PCDHGA3: variants seen among roughly 807,000 people sequenced by gnomAD.
PCDHGA3 encodes the protein protocadherin gamma subfamily A, 3.
In PCDHGA3, 40 loss-of-function variants were observed where a neutral mutation model predicts 58.5. The ratio of observed to expected loss-of-function variants is 0.68; its 90% CI spans 0.53 to 0.89. PCDHGA3 has a LOEUF of 0.89. Among genes scored for constraint, PCDHGA3 ranks in the 40% least tolerant of loss-of-function variants. The probability of loss-of-function intolerance (pLI) is 0.00; values close to 1 mark genes in which losing one functional copy is unlikely to be tolerated. For missense variants in PCDHGA3, 1,223 were observed against 1,195.9 expected, an observed-to-expected ratio of 1.02 and a Z score of -0.33; for synonymous variants, 530 against 525.7, an observed-to-expected ratio of 1.01 and a Z score of -0.11.
intron 1 of PCDHGA3, chr5:141,376,026 A>T: frequency 6.2e-7 from 1 of 1,613,128 alleles, no homozygotes; most frequent in African/African-American, 1.3e-5. Context: ...GCCGTCCAGG[A>T]CCACGGCCAG....
intron 1 of PCDHGA3, chr5:141,421,930 G>T (rs780569992): frequency 3.1e-6 from 5 of 1,613,480 alleles, no homozygotes; most frequent in Non-Finnish European, 4.2e-6. Context: ...GGTGGTCCTC[G>T]ATGTAAATGA....
chr5:141,345,606 T>C lies in PCDHGA3; in HGVS notation c.1573T>C (p.Phe525Leu). Residue 525 changes from phenylalanine (F) to leucine (L), a missense_variant, in exon 1 of 4, where the codon TTT becomes CTT. Coordinates refer to ENST00000253812, the MANE Select transcript of PCDHGA3 (RefSeq NM_018916.4). ...YALRSFDYEQ[F>L]RDLKLLVTAS... is the part of the protein sequence containing the mutation. Reference sequence around the variant, plus strand: ...GCTGAGATCCTTCGACTACGAGCAATTTAGAGACTTAAAGCTACTGGTGAC... The same window carrying C: ...GCTGAGATCCTTCGACTACGAGCAACTTAGAGACTTAAAGCTACTGGTGAC... 1.2e-6 allele frequency: 2 copies of C among 1,614,058 alleles called. No individual in the cohort carries two copies. The highest frequency in any genetic ancestry group is 1.1e-5 in the South Asian group (1 of 91,070).
intron 1 of PCDHGA3, among the ~76,000 whole-genome samples, chr5:141,494,529 G>C (rs952931724): frequency 1.3e-5 from 2 of 152,132 alleles, no homozygotes; most frequent in African/African-American, 4.8e-5. Flanking sequence ...TCTGACTCTG[G>C]GGGCAGGGAG....
At chr5:141,478,625 T>A in intron 1 of PCDHGA3, 3 of 1,554,218 alleles carry the variant, frequency 1.9e-6, no homozygotes, top group Non-Finnish European at 2.6e-6. Context: ...ATGGAGCTGT[T>A]TTTTTAGTGA....
intron 1 of PCDHGA3, chr5:141,403,602 G>A (rs761454619): frequency 5.0e-6 from 8 of 1,613,800 alleles, no homozygotes; most frequent in Non-Finnish European, 5.9e-6. Context: ...GCCTCGGATG[G>A]CGGCGAGCCG....
chr5:141,347,873 T>C (rs533227612), intron 1 of PCDHGA3, among the ~76,000 whole-genome samples: 23 of 152,314 alleles, frequency 1.5e-4, no homozygotes, highest in Non-Finnish European at 2.6e-4. Flanking sequence ...TATGTGTGTA[T>C]TCATTTTGAT....
chr5:141,413,668 G>T lies in PCDHGA3; in HGVS notation c.2424+67211G>T, dbSNP rs1286766786. ...TCCTCTCCCGGAAGCTATTGATCCG[G>T]ATGTGGGCGTGAACTCCCTGCAGAG... is the stretch of plus-strand genomic sequence containing the variant. On this transcript the variant is annotated intron_variant, in intron 1 of 3. Transcript: ENST00000253812. 6 of 1,613,754 alleles carry T rather than the reference G, an allele frequency of 3.7e-6. No homozygotes were observed. The Admixed American group carries it at 8.3e-5, about 22-fold the overall frequency.
chr5:141,490,837 G>A lies in PCDHGA3; in HGVS notation c.2425-3970G>A. On this transcript the variant is annotated intron_variant, in intron 1 of 3. Coordinates refer to ENST00000253812, the MANE Select transcript of PCDHGA3 (RefSeq NM_018916.4). This position sits in a 1 kb window ranked among gnomAD's most constrained non-coding sequence, Gnocchi z 5.4. ...TGAATTGCTGCAGATGCTGCAGATTGTGGTGGGGGTTCGAGACTCCGGCTC... is the reference window on the plus strand; with the variant it reads ...TGAATTGCTGCAGATGCTGCAGATTATGGTGGGGGTTCGAGACTCCGGCTC... The A allele has an allele frequency of 1.9e-6, 3 of 1,613,914 alleles. No homozygotes were observed. The highest frequency in any genetic ancestry group is 2.2e-5 in the South Asian group (2 of 91,072).
At chr5:141,355,761 T>C in intron 1 of PCDHGA3, 2 of 1,613,946 alleles carry the variant, frequency 1.2e-6, no homozygotes, top group Non-Finnish European at 1.7e-6. Context: ...GTGGGGCCGA[T>C]GGGATTAAGT....
chr5:141,413,785 C>T (rs771027783), intron 1 of PCDHGA3: 1 of 1,613,186 alleles, frequency 6.2e-7, no homozygotes, highest in Non-Finnish European at 8.5e-7. Flanking sequence ...GGAGCACTCC[C>T]TAGATCGCGA....
At chr5:141,356,099 A>T in intron 1 of PCDHGA3, 1 of 1,613,882 alleles carries the variant, frequency 6.2e-7, no homozygotes, top group Non-Finnish European at 8.5e-7. Context: ...CTGAGTGGGG[A>T]TATAACAATA....
intron 1 of PCDHGA3, chr5:141,420,333 A>G (rs778366534): frequency 2.1e-6 from 3 of 1,402,720 alleles, no homozygotes; most frequent in Non-Finnish European, 2.9e-6. Flanking sequence ...ATATATTCCA[A>G]TATAGTGGTA....
chr5:141,410,820 T>A (rs1032991309), intron 1 of PCDHGA3: 14 of 524,668 alleles, frequency 2.7e-5, no homozygotes, highest in Non-Finnish European at 4.1e-5. Context: ...TAAAATAATG[T>A]CACCAGACTG....
At chr5:141,353,216 A>T (rs971443736) in intron 1 of PCDHGA3, among the ~76,000 whole-genome samples, 1 of 152,170 alleles carries the variant, frequency 6.6e-6, no homozygotes, top group African/African-American at 2.4e-5. Context: ...TGTTTCCTAG[A>T]TGTTAACACT....
intron 1 of PCDHGA3, chr5:141,479,521 T>C (rs4912607): frequency 0.2 from 30,680 of 152,154 alleles, 3,215 homozygotes; most frequent in Admixed American, 0.29. Flanking sequence ...CTGGCCCAGG[T>C]TGGAAGTGGA....
chr5:141,378,118 C>T (rs1196603036), intron 1 of PCDHGA3: 3 of 152,190 alleles, frequency 2.0e-5, no homozygotes, highest in Non-Finnish European at 4.4e-5. Context: ...ATAGTGAACA[C>T]GTATTTGTTG....
intron 1 of PCDHGA3, among the ~76,000 whole-genome samples, chr5:141,482,188 G>C (rs1178289472): frequency 2.6e-5 from 4 of 152,122 alleles, no homozygotes; most frequent in African/African-American, 9.7e-5. Context: ...CGATGCTCCA[G>C]TTCTAGTAAA....
chr5:141,356,457 C>T (rs1760227280), intron 1 of PCDHGA3: 1 of 1,613,452 alleles, frequency 6.2e-7, no homozygotes, highest in East Asian at 2.2e-5. Flanking sequence ...CAGAATATAA[C>T]ATCACTGTAA....
Position 141,491,103 on chromosome 5 carries a change from G to C in PCDHGA3, c.2425-3704G>C. 1 of 1,614,162 alleles carries C rather than the reference G, an allele frequency of 6.2e-7. No individual in the cohort carries two copies. Among genetic ancestry groups the C allele is most frequent in the South Asian group, 1.1e-5 (1 of 91,082 alleles). On this transcript the variant is annotated intron_variant, in intron 1 of 3. Transcript: ENST00000253812. The surrounding 1 kb of genome is among the most constrained non-coding windows in gnomAD (Gnocchi z 6.9). ...CCACAGCCCCAGGACTGTTCCTCGT[G>C]TCTACACACACTGGTGAGGTGCGCA... is the stretch of plus-strand genomic sequence containing the variant.
Sources: gnomAD v4.1 joint callset for allele counts (sites outside exome capture counted in the v4.1 genomes callset) on GRCh38, gnomAD v4.1.1 for gene constraint, Gnocchi (gnomAD v3.1) non-coding constraint, MANE v1.5 for transcripts, NCBI Gene and HGNC (gene_info 2026-07-23, HGNC 2026-07-21) for gene names.